The following RYR2 variants were observed in gnomAD, a reference collection of about 807,000 sequenced individuals.
RYR2 encodes ryanodine receptor 2, also known as cardiac muscle ryanodine receptor-calcium release channel.
Under a neutral mutation model 601.1 loss-of-function variants are expected in RYR2, and 227 were observed. The observed-to-expected ratio is 0.38, with a 90% CI of 0.34 to 0.42. The LOEUF (loss-of-function observed/expected upper bound fraction) is 0.42. Ranked by LOEUF, RYR2 falls within the 10% of genes least tolerant of loss-of-function variation. The pLI, the probability that RYR2 is intolerant of heterozygous loss-of-function variation, is 1.00. For missense variants in RYR2, 4,646 were observed against 6,156.5 expected (o/e 0.75, Z 8.21); for synonymous variants, 2,223 against 2,175.1 (o/e 1.02, Z -0.61).
At position 237,771,992 on chromosome 1, in the gene RYR2, C is replaced by T. The variant is rs1553317671; in HGVS notation, c.11558-20C>T. ...TGAACTTCTGAGCAAGCATTAATAA[C>T]ATTTTTTTATCTTGCATAGATTTTC... On this transcript the variant is annotated intron_variant, in intron 85 of 104. Transcript: ENST00000366574. The T allele has an allele frequency of 7.2e-7, 1 of 1,389,520 alleles. No individual in the cohort carries two copies. The highest frequency in any genetic ancestry group is 1.2e-5 in the South Asian group (1 of 80,480). 86.1% of individuals were successfully genotyped at this position (1,389,520 alleles called of 1,614,324 possible).
intron 18 of RYR2, 76 bp from the exon 19 acceptor site, chr1:237,492,874 GGGAA>G (rs1166604692): frequency 1.8e-5 from 19 of 1,073,006 alleles, no homozygotes; most frequent in South Asian, 9.3e-5. Flanking sequence ...GAAGGAAGAA[GGGAA>G]GGAAGGAAGG....
chr1:237,209,860 AAAG>A (rs1682372909), intron 1 of RYR2, among the ~76,000 whole-genome samples: 1 of 152,310 alleles, frequency 6.6e-6, no homozygotes, highest in East Asian at 1.9e-4. Context: ...TGTCTCAAAA[AAAG>A]AAAAAGCCAG....
At chr1:237,259,642 A>C (rs982324463) in intron 1 of RYR2, among the ~76,000 whole-genome samples, 10 of 152,188 alleles carry the variant, frequency 6.6e-5, no homozygotes, top group African/African-American at 2.2e-4. Flanking sequence ...ACTTAATAGA[A>C]GGCTACAGAT....
At chr1:237,563,575 C>T (rs896273801) in intron 27 of RYR2, among the ~76,000 whole-genome samples, 2 of 151,746 alleles carry the variant, frequency 1.3e-5, no homozygotes, top group African/African-American at 2.4e-5. Context: ...AATAGCATAG[C>T]ATTAGGGCCA....
chr1:237,302,030 G>A (rs557430268), intron 2 of RYR2, among the ~76,000 whole-genome samples: 1 of 152,226 alleles, frequency 6.6e-6, no homozygotes, highest in East Asian at 1.9e-4. Context: ...TTTGAACAAC[G>A]AACTCTGGCC....
chr1:237,051,741 AGCTACCT>A (rs1661309871), intron 1 of RYR2, among the ~76,000 whole-genome samples: 1 of 152,196 alleles, frequency 6.6e-6, no homozygotes. Flanking sequence ...CCTCAGAGGT[AGCTACCT>A]GCAAAGAAGT....
At chr1:237,428,427 A>G (rs189976645) in intron 12 of RYR2, among the ~76,000 whole-genome samples, 82 of 152,320 alleles carry the variant, frequency 5.4e-4, no homozygotes, top group African/African-American at 1.6e-3. Flanking sequence ...ACAAAAAGGA[A>G]TGAGATAATG....
chr1:237,772,359 A>T (rs2149315730), intron 86 of RYR2, among the ~76,000 whole-genome samples: 1 of 152,176 alleles, frequency 6.6e-6, no homozygotes, highest in South Asian at 2.1e-4. Context: ...TGGTATTTTA[A>T]AGTCATTTTC....
intron 27 of RYR2, among the ~76,000 whole-genome samples, chr1:237,564,565 C>T (rs1317147837): frequency 6.6e-6 from 1 of 152,120 alleles, no homozygotes; most frequent in Non-Finnish European, 1.5e-5. Flanking sequence ...CCACCGCGAC[C>T]CGCCAAGAAC....
intron 1 of RYR2, among the ~76,000 whole-genome samples, chr1:237,127,981 G>T (rs528923732): frequency 2.6e-5 from 4 of 152,122 alleles, no homozygotes; most frequent in African/African-American, 9.7e-5. Flanking sequence ...CCCAGATGGG[G>T]TGGCGGCCGG....
chr1:237,731,469 C>T (rs1573715049), intron 77 of RYR2, among the ~76,000 whole-genome samples: 2 of 152,110 alleles, frequency 1.3e-5, no homozygotes, highest in East Asian at 1.9e-4. Flanking sequence ...TGTGTGTAAG[C>T]GAAGAAAATA....
rs758785338 is a variant in RYR2 at position 237,784,010 on chromosome 1, G to A, written c.12298G>A (p.Val4100Ile). ...GAAGGACATCGGCTTCAACGTCGCC[G>A]TCCTTCTGACAAACCTCTCTGAGCA... Reference protein sequence around the residue: ...PAKDIGFNVAVLLTNLSEHMP... With the variant: ...PAKDIGFNVAILLTNLSEHMP... The change falls in exon 90 of 105, where the codon GTC (valine) becomes ATC (isoleucine). Residue 4100 changes from valine to isoleucine, a missense_variant. This residue lies in a region of RYR2 where 70 missense variants were observed against 164.6 expected (regional missense o/e 0.43). Coordinates refer to ENST00000366574, the MANE Select transcript of RYR2 (RefSeq NM_001035.3). The surrounding 1 kb of genome is among the most constrained non-coding windows in gnomAD (Gnocchi z 7.1). 3.7e-6 allele frequency: 6 copies of A among 1,613,776 alleles called. No individual in the cohort carries two copies. The highest frequency in any genetic ancestry group is 2.2e-5 in the South Asian group (2 of 91,086).
intron 1 of RYR2, among the ~76,000 whole-genome samples, chr1:237,259,544 A>G (rs77746654): frequency 9.6e-4 from 19 of 19,748 alleles, no homozygotes; most frequent in Admixed American, 6.7e-3. Flanking sequence ...AAAAAAAAAA[A>G]AAAGAGAGAC....
intron 1 of RYR2, among the ~76,000 whole-genome samples, chr1:237,068,963 T>C (rs1663983467): frequency 6.6e-6 from 1 of 152,184 alleles, no homozygotes; most frequent in South Asian, 2.1e-4. Context: ...ATATTTGGCA[T>C]AATTGCAGCA....
intron 24 of RYR2, among the ~76,000 whole-genome samples, chr1:237,522,388 C>T (rs1452206403): frequency 2.0e-5 from 3 of 152,192 alleles, no homozygotes; most frequent in African/African-American, 4.8e-5. Flanking sequence ...TGTCCTAGGC[C>T]GCATGTAGCC....
chr1:237,366,276 C>T (rs1345118491), intron 5 of RYR2, among the ~76,000 whole-genome samples: 1 of 152,212 alleles, frequency 6.6e-6, no homozygotes, highest in Non-Finnish European at 1.5e-5. Flanking sequence ...CCAAGTAAGC[C>T]AGTCCATGTC....
Position 237,787,872 on chromosome 1 carries a change from G to A in RYR2, c.13329-116G>A, listed in dbSNP as rs976164621. ...TTATCATTCACCGGAAAAGAAATTA[G>A]TTTTCAAAAGTAATATGATGGCCTA... On this transcript the variant is annotated intron_variant, in intron 91 of 104. Transcript: ENST00000366574. 12 of 992,378 alleles carry A rather than the reference G, an allele frequency of 1.2e-5. No homozygotes were observed. In the East Asian group the frequency reaches 2.6e-4, roughly 22 times the overall value. The allele number at this position is 992,378 out of a possible 1,614,324, so 61.5% of individuals were successfully genotyped here. A position where few individuals can be genotyped will look rare whatever the true frequency, so the allele number is the denominator to read the frequency against.
At chr1:237,260,816 A>C (rs887274442) in intron 1 of RYR2, among the ~76,000 whole-genome samples, 1 of 152,236 alleles carries the variant, frequency 6.6e-6, no homozygotes, top group Non-Finnish European at 1.5e-5. Flanking sequence ...TGTTTGGACA[A>C]AAATTCTTAA....
chr1:237,269,816 G>T (rs976544714), intron 1 of RYR2, among the ~76,000 whole-genome samples: 32 of 152,204 alleles, frequency 2.1e-4, no homozygotes, highest in African/African-American at 7.7e-4. Flanking sequence ...CCCACTGCCT[G>T]TATTGAGTCA....
Sources: allele counts gnomAD v4.1 joint callset (sites outside exome capture counted in the v4.1 genomes callset), GRCh38; gene constraint gnomAD v4.1.1; regional missense constraint gnomAD v4.1.1; non-coding constraint Gnocchi (gnomAD v3.1); transcripts MANE v1.5; gene names NCBI Gene and HGNC (gene_info 2026-07-23, HGNC 2026-07-21).